The following FAM135B variants were observed in gnomAD, a reference collection of about 807,000 sequenced individuals.
The protein encoded by FAM135B is protein FAM135B.
In FAM135B, 43 loss-of-function variants were observed where a neutral mutation model predicts 127.7. The observed-to-expected ratio is 0.34, with a 90% confidence interval of 0.26 to 0.43. The LOEUF (loss-of-function observed/expected upper bound fraction) is 0.43, where lower values mean the gene tolerates loss of function less well. Among genes scored for constraint, FAM135B ranks in the 20% least tolerant of loss-of-function variants. The probability of loss-of-function intolerance (pLI) is 1.00; values close to 1 mark genes in which losing one functional copy is unlikely to be tolerated. For synonymous variants in FAM135B, 670 were observed against 665.1 expected (o/e 1.01, Z -0.11); for missense variants, 1,558 against 1,725.6 (o/e 0.90, Z 1.72).
intron 1 of FAM135B, among the ~76,000 whole-genome samples, chr8:138,392,655 C>T (rs1326071647): frequency 7.2e-5 from 11 of 152,178 alleles, no homozygotes; most frequent in Admixed American, 6.5e-4. Context: ...CACCCTTGAG[C>T]TTTGTGACCT....
intron 15 of FAM135B, among the ~76,000 whole-genome samples, chr8:138,145,218 G>A (rs146945974): frequency 6.6e-6 from 1 of 152,190 alleles, no homozygotes; most frequent in Non-Finnish European, 1.5e-5. Context: ...GTCTCACTTT[G>A]TTGCCCAGGC....
chr8:138,262,683 G>A (rs1036419579), intron 4 of FAM135B, among the ~76,000 whole-genome samples: 15 of 151,918 alleles, frequency 9.9e-5, no homozygotes, highest in Admixed American at 3.3e-4. Context: ...GGTGGATCGC[G>A]AGGTCAGGGG....
chr8:138,255,026 CT>C (rs5895505), intron 5 of FAM135B, among the ~76,000 whole-genome samples: 29,685 of 118,498 alleles, frequency 0.25, 3,425 homozygotes, highest in African/African-American at 0.4. Context: ...GAAATCTGAA[CT>C]TTTTTTTTTT....
chr8:138,246,750 A>C (rs1821319257), intron 6 of FAM135B, among the ~76,000 whole-genome samples: 1 of 152,172 alleles, frequency 6.6e-6, no homozygotes. Flanking sequence ...CCCAGACTCC[A>C]GAATGGTAGA....
intron 2 of FAM135B, among the ~76,000 whole-genome samples, chr8:138,360,613 CT>C (rs535456676): frequency 3.0e-4 from 46 of 152,322 alleles, no homozygotes; most frequent in African/African-American, 1.1e-3. Flanking sequence ...ATTACTTGGC[CT>C]GTGCAATCTT....
At chr8:138,170,219 T>A in intron 11 of FAM135B, among the ~76,000 whole-genome samples, 1 of 25,038 alleles carries the variant, frequency 4.0e-5, no homozygotes, top group African/African-American at 1.4e-4. Context: ...GTTACTATCT[T>A]TTTTTTTTTT....
chr8:138,388,653 T>C (rs1229215723), intron 1 of FAM135B, among the ~76,000 whole-genome samples: 7 of 152,214 alleles, frequency 4.6e-5, no homozygotes, highest in Non-Finnish European at 7.3e-5. Flanking sequence ...GAAAATGCTA[T>C]ATACCATATG....
intron 1 of FAM135B, among the ~76,000 whole-genome samples, chr8:138,380,583 C>T (rs568691067): frequency 5.3e-5 from 8 of 152,222 alleles, no homozygotes; most frequent in African/African-American, 7.2e-5. Context: ...TACACAGATA[C>T]GACATTTGAG....
chr8:138,261,415 T>G (rs1822530715), intron 4 of FAM135B, among the ~76,000 whole-genome samples: 1 of 152,238 alleles, frequency 6.6e-6, no homozygotes. Flanking sequence ...CTTCTTTGCT[T>G]TGCCTGCTAG....
At chr8:138,233,531 A>C (rs2130243901) in intron 7 of FAM135B, among the ~76,000 whole-genome samples, 1 of 152,308 alleles carries the variant, frequency 6.6e-6, no homozygotes, top group African/African-American at 2.4e-5. Flanking sequence ...TGGATTAAAC[A>C]CTTAAACGTC....
At chr8:138,323,309 G>C (rs1563897980) in intron 2 of FAM135B, among the ~76,000 whole-genome samples, 1 of 152,062 alleles carries the variant, frequency 6.6e-6, no homozygotes, top group Non-Finnish European at 1.5e-5. Flanking sequence ...TTTTCTCAGG[G>C]GAATTACTAT....
In FAM135B at chr8:138,426,030, C is replaced by T. The variant is rs10481400; in HGVS notation, c.-19-58028G>A. 3.0e-3 allele frequency among the ~76,000 whole-genome samples: 192 copies of T among 63,098 alleles called. 5 individuals are homozygous for T. Among genetic ancestry groups the T allele is most frequent in the African/African-American group, 0.014 (159 of 10,978 alleles). 41.4% of individuals were successfully genotyped at this position (63,098 alleles called of 152,430 possible). On this transcript the variant is annotated intron_variant, in intron 1 of 19. Coordinates refer to ENST00000395297, the MANE Select transcript of FAM135B (RefSeq NM_015912.4). ...ATATATATACACACACATACATATA[C>T]ACACACACACACACACACACATATA...
chr8:138,400,452 A>C (rs752858398), intron 1 of FAM135B, among the ~76,000 whole-genome samples: 1 of 152,090 alleles, frequency 6.6e-6, no homozygotes, highest in Non-Finnish European at 1.5e-5. Flanking sequence ...AGATCTCAGG[A>C]TCTCTCCCAG....
chr8:138,415,984 T>C (rs1834123384), intron 1 of FAM135B, among the ~76,000 whole-genome samples: 1 of 152,160 alleles, frequency 6.6e-6, no homozygotes, highest in Non-Finnish European at 1.5e-5. Flanking sequence ...GCCTCAATGT[T>C]CTCTGCAGCC....
At chr8:138,157,386 T>C (rs913828913) in intron 12 of FAM135B, among the ~76,000 whole-genome samples, 45 of 152,302 alleles carry the variant, frequency 3.0e-4, no homozygotes, top group African/African-American at 9.9e-4. Flanking sequence ...AAAACTGGCA[T>C]AAGACAGGGA....
intron 7 of FAM135B, among the ~76,000 whole-genome samples, chr8:138,206,285 G>GCTCTATCATCCCCTCCACCTACA (rs1817574245): frequency 1.6e-4 from 2 of 12,516 alleles, no homozygotes; most frequent in Non-Finnish European, 3.5e-4. Flanking sequence ...CTCCACCTAC[G>GCTCTATCATCCCCTCCACCTACA]CACAGCTCTA....
At chr8:138,337,612 C>G (rs1379385352) in intron 2 of FAM135B, among the ~76,000 whole-genome samples, 1 of 152,064 alleles carries the variant, frequency 6.6e-6, no homozygotes, top group Non-Finnish European at 1.5e-5. Context: ...TAAAAGAAGA[C>G]ACAAACAAAT....
intron 1 of FAM135B, among the ~76,000 whole-genome samples, chr8:138,411,857 C>T (rs2131408794): frequency 6.6e-6 from 1 of 152,290 alleles, no homozygotes; most frequent in South Asian, 2.1e-4. Flanking sequence ...AGAAAATGTA[C>T]ATATGTGTCA....
intron 3 of FAM135B, among the ~76,000 whole-genome samples, chr8:138,274,278 T>C (rs1285921095): frequency 6.6e-6 from 1 of 152,190 alleles, no homozygotes; most frequent in Non-Finnish European, 1.5e-5. Flanking sequence ...ATTTTAAAGC[T>C]GGGCATCTGG....
Sources: gnomAD v4.1 joint callset for allele counts (sites outside exome capture counted in the v4.1 genomes callset) on GRCh38, gnomAD v4.1.1 for gene constraint, MANE v1.5 for transcripts, NCBI Gene and HGNC (gene_info 2026-07-23, HGNC 2026-07-21) for gene names.